The following GABRA3 variants were observed in gnomAD, a reference collection of about 807,000 sequenced individuals.
The protein encoded by GABRA3 is gamma-aminobutyric acid type A receptor subunit alpha3, also known as gamma-aminobutyric acid receptor subunit alpha-3.
GABRA3 carries 10 observed loss-of-function variants against 30.1 expected under a neutral mutation model. That is an observed-to-expected ratio of 0.33 (90% CI 0.20 to 0.56). The LOEUF (loss-of-function observed/expected upper bound fraction) is 0.56. GABRA3 is among the 20% of genes least tolerant of loss of function. The pLI, the probability that GABRA3 is intolerant of heterozygous loss-of-function variation, is 0.89. For synonymous variants in GABRA3, 151 were observed against 146.8 expected, an observed-to-expected ratio of 1.03 and a Z score of -0.21; for missense variants, 233 against 392.0, an observed-to-expected ratio of 0.59 and a Z score of 3.42.
chrX:152,408,490 A>G (rs1194818561), intron 1 of GABRA3, among the ~76,000 whole-genome samples: 3 of 111,887 alleles, frequency 2.7e-5, no homozygotes, highest in Non-Finnish European at 5.6e-5. Context: ...TACAAATAAA[A>G]TAAAATATCT....
At chrX:152,231,623 C>T (rs1192891665) in intron 5 of GABRA3, among the ~76,000 whole-genome samples, 9 of 110,848 alleles carry the variant, frequency 8.1e-5, no homozygotes, top group East Asian at 2.8e-4. Context: ...ATAAGCTTAC[C>T]GTAAGACCCT....
intron 8 of GABRA3, 76 bp from the exon 9 acceptor site, chrX:152,190,017 T>C (rs1316929441): frequency 4.1e-5 from 31 of 752,882 alleles, no homozygotes; most frequent in Admixed American, 9.2e-5. Context: ...ACTAATTTCC[T>C]ATTTGAAAGG....
intron 1 of GABRA3, among the ~76,000 whole-genome samples, chrX:152,444,229 G>A (rs895788959): frequency 9.0e-6 from 1 of 111,307 alleles, no homozygotes; most frequent in Non-Finnish European, 1.9e-5. Context: ...ACTGGGTCCC[G>A]TTTTGGACAT....
chrX:152,324,232 T>A, intron 3 of GABRA3, among the ~76,000 whole-genome samples: 1 of 112,262 alleles, frequency 8.9e-6, no homozygotes, highest in Middle Eastern at 4.6e-3. Flanking sequence ...TAGGCTTAAT[T>A]AGTTATATAG....
At chrX:152,202,132 C>T (rs1344150876) in intron 7 of GABRA3, among the ~76,000 whole-genome samples, 12 of 111,637 alleles carry the variant, frequency 1.1e-4, no homozygotes, top group Admixed American at 4.8e-4. Context: ...AAAGAGCAGA[C>T]GGCCTCTGCA....
At chrX:152,313,241 G>C (rs1362571600) in intron 3 of GABRA3, among the ~76,000 whole-genome samples, 1 of 111,806 alleles carries the variant, frequency 8.9e-6, no homozygotes, top group African/African-American at 3.3e-5. Context: ...CCTTCTAGAT[G>C]ATTTTCATGA....
chrX:152,247,389 T>C (rs959135591), intron 5 of GABRA3, among the ~76,000 whole-genome samples: 12 of 111,309 alleles, frequency 1.1e-4, no homozygotes, highest in African/African-American at 3.9e-4. Flanking sequence ...GCTTGTCGTG[T>C]CCACTTCAGA....
At chrX:152,326,751 T>G (rs1668432728) in intron 3 of GABRA3, among the ~76,000 whole-genome samples, 1 of 111,242 alleles carries the variant, frequency 9.0e-6, no homozygotes, top group Non-Finnish European at 1.9e-5. Context: ...TGCAAAAACA[T>G]GCCAAATTGT....
chrX:152,229,367 T>A (rs1053151410), intron 5 of GABRA3, among the ~76,000 whole-genome samples: 2 of 110,994 alleles, frequency 1.8e-5, no homozygotes, highest in African/African-American at 6.6e-5. Flanking sequence ...TCTGACGACC[T>A]TTTTGGCCCT....
In GABRA3 at chrX:152,168,370, G is replaced by A. The variant is rs1936961857; in HGVS notation, c.1337C>T (p.Thr446Ile). ...ATYVQDSPTETKTYNSVSKVD... is the reference protein window; with the variant it reads ...ATYVQDSPTEIKTYNSVSKVD... Reference sequence around the variant, plus strand: ...CTTGCTGACACTGTTGTAGGTCTTGGTCTCAGTCGGGCTGTCCTGCACGTA... The same window carrying A: ...CTTGCTGACACTGTTGTAGGTCTTGATCTCAGTCGGGCTGTCCTGCACGTA... Residue 446 changes from threonine to isoleucine, a missense_variant, in exon 10 of 10, where the codon ACC becomes ATC. Transcript: ENST00000370314. The A allele has an allele frequency of 8.3e-7, 1 of 1,211,892 alleles. No individual in the cohort carries two copies.
At chrX:152,284,284 A>G (rs1939249991) in intron 4 of GABRA3, among the ~76,000 whole-genome samples, 1 of 111,659 alleles carries the variant, frequency 9.0e-6, no homozygotes, top group South Asian at 3.7e-4. Flanking sequence ...GGATGACACC[A>G]CCAGCTGCTT....
At chrX:152,438,456 G>A (rs1289567949) in intron 1 of GABRA3, among the ~76,000 whole-genome samples, 1 of 111,909 alleles carries the variant, frequency 8.9e-6, no homozygotes, top group Non-Finnish European at 1.9e-5. Context: ...TGCACTCCTC[G>A]GTATTTACCC....
At chrX:152,271,519 G>T (rs1011867567) in intron 4 of GABRA3, among the ~76,000 whole-genome samples, 2 of 112,360 alleles carry the variant, frequency 1.8e-5, no homozygotes, top group African/African-American at 6.5e-5. Context: ...TCAAGAGGAA[G>T]CAGAGTATAG....
At chrX:152,370,091 C>T (rs1429151459) in intron 1 of GABRA3, among the ~76,000 whole-genome samples, 2 of 111,702 alleles carry the variant, frequency 1.8e-5, no homozygotes, top group Non-Finnish European at 1.9e-5. Context: ...AGATAACAAA[C>T]GTAAAATGCC....
chrX:152,300,642 G>A (rs951356733), intron 3 of GABRA3, among the ~76,000 whole-genome samples: 1 of 112,255 alleles, frequency 8.9e-6, no homozygotes, highest in African/African-American at 3.2e-5. Context: ...AGGAAAACAC[G>A]TTCGAAATGA....
intron 3 of GABRA3, among the ~76,000 whole-genome samples, chrX:152,291,803 A>G (rs1939423865): frequency 9.0e-6 from 1 of 111,265 alleles, no homozygotes; most frequent in Non-Finnish European, 1.9e-5. Flanking sequence ...TGTTTATGTG[A>G]TGGATTATGT....
Position 152,438,000 on chromosome X carries a change from G to A in GABRA3, c.-27+13146C>T, listed in dbSNP as rs188074478. On this transcript the variant is annotated intron_variant, in intron 1 of 9. Coordinates refer to ENST00000370314, the MANE Select transcript of GABRA3 (RefSeq NM_000808.4). ...TTAAAATTTAAGATCTTTGCTCTGT[G>A]AAACGCACTGTTAAGAGTATGAAAA... Among the ~76,000 whole-genome samples the A allele has an allele frequency of 3.8e-4, 43 of 111,964 alleles. No individual in the cohort carries two copies. In the East Asian group the frequency reaches 0.012, roughly 31 times the overall value.
chrX:152,175,628 T>C (rs900115192), intron 9 of GABRA3, among the ~76,000 whole-genome samples: 5 of 111,741 alleles, frequency 4.5e-5, no homozygotes, highest in Admixed American at 9.5e-5. Context: ...ATGCTAGTGA[T>C]AGAAGGTCTG....
At chrX:152,376,800 C>G (rs181307530) in intron 1 of GABRA3, among the ~76,000 whole-genome samples, 73 of 110,898 alleles carry the variant, frequency 6.6e-4, no homozygotes, top group African/African-American at 2.4e-3. Context: ...CACTGCAGTT[C>G]TGTCTATTTC....
Sources: allele counts gnomAD v4.1 joint callset (sites outside exome capture counted in the v4.1 genomes callset), GRCh38; gene constraint gnomAD v4.1.1; transcripts MANE v1.5; gene names NCBI Gene and HGNC (gene_info 2026-07-23, HGNC 2026-07-21).